LDLRAD4: variants seen among roughly 807,000 people sequenced by gnomAD.
LDLRAD4 encodes low-density lipoprotein receptor class A domain-containing protein 4.
Under a neutral mutation model 17.0 loss-of-function variants are expected in LDLRAD4, and 5 were observed. The ratio of observed to expected loss-of-function variants is 0.29; its 90% CI spans 0.15 to 0.62. The LOEUF is 0.62. Ranked by LOEUF, LDLRAD4 falls within the 20% of genes least tolerant of loss-of-function variation. The pLI is 0.84. For synonymous variants in LDLRAD4, 168 were observed against 171.8 expected (o/e 0.98, Z 0.17); for missense variants, 340 against 424.7 (o/e 0.80, Z 1.75).
At chr18:13,423,573 A>T (rs1374495919) in intron 2 of LDLRAD4, 1 of 152,220 alleles carries the variant, frequency 6.6e-6, no homozygotes, top group Non-Finnish European at 1.5e-5. Context: ...CCAGTACCGT[A>T]CCTGGGAGGG....
At chr18:13,396,129 A>G (rs1289054664) in intron 2 of LDLRAD4, among the ~76,000 whole-genome samples, 2 of 152,224 alleles carry the variant, frequency 1.3e-5, no homozygotes, top group African/African-American at 4.8e-5. Context: ...TTTAACCAAT[A>G]ATAGTCCGTA....
intron 1 of LDLRAD4, among the ~76,000 whole-genome samples, chr18:13,321,861 CAAAAAAAAAAAAAAAAAAAAAAAAAAAA>C (rs57033432): frequency 3.2e-5 from 2 of 62,142 alleles, no homozygotes; most frequent in South Asian, 1.0e-3. Flanking sequence ...GACTCCGTCT[CAAAAAAAAAAAAAAAAAAAAAAAAAAAA>C]AAAAAAAAAA....
At chr18:13,615,542 C>A (rs2039994297) in intron 3 of LDLRAD4, 1 of 152,196 alleles carries the variant, frequency 6.6e-6, no homozygotes, top group Non-Finnish European at 1.5e-5. Context: ...CTCATTGAAC[C>A]AGGGAAGAGA....
chr18:13,570,750 G>A (rs1379780334), intron 3 of LDLRAD4, among the ~76,000 whole-genome samples: 1 of 152,168 alleles, frequency 6.6e-6, no homozygotes, highest in African/African-American at 2.4e-5. Flanking sequence ...CCCTCTGGCT[G>A]CCCTTTTCAT....
chr18:13,426,817 G>A (rs1429490514), intron 2 of LDLRAD4, among the ~76,000 whole-genome samples: 2 of 152,226 alleles, frequency 1.3e-5, no homozygotes, highest in Non-Finnish European at 2.9e-5. Context: ...AAATTCTGGT[G>A]TGGGTTGGTT....
intron 1 of LDLRAD4, among the ~76,000 whole-genome samples, chr18:13,307,427 A>T (rs60672333): frequency 0.03 from 4,513 of 152,076 alleles, 112 homozygotes; most frequent in African/African-American, 0.068. Flanking sequence ...TTAAAAAAAA[A>T]TTTTTTAAGA....
intron 3 of LDLRAD4, among the ~76,000 whole-genome samples, chr18:13,519,456 A>G (rs1038562319): frequency 4.6e-5 from 7 of 152,180 alleles, no homozygotes; most frequent in Non-Finnish European, 1.0e-4. Flanking sequence ...AGACTTGACA[A>G]CTTCCAAAGG....
intron 4 of LDLRAD4, among the ~76,000 whole-genome samples, chr18:13,633,474 C>G (rs1359212312): frequency 3.9e-5 from 6 of 152,198 alleles, no homozygotes; most frequent in Admixed American, 2.6e-4. Context: ...TGTCAAGGGG[C>G]ACCTGCAGGC....
chr18:13,557,649 C>G (rs1041868591), intron 3 of LDLRAD4, among the ~76,000 whole-genome samples: 1 of 152,228 alleles, frequency 6.6e-6, no homozygotes, highest in South Asian at 2.1e-4. Flanking sequence ...ATCTGCCTAC[C>G]TTGGCCTCCC....
intron 1 of LDLRAD4, among the ~76,000 whole-genome samples, chr18:13,358,313 GATATCTAGATTATAT>G (rs1400756046): frequency 2.0e-5 from 3 of 151,936 alleles, no homozygotes; most frequent in African/African-American, 7.3e-5. Context: ...TATCGATATA[GATATCTAGATTATAT>G]ATATCTAGAT....
intron 3 of LDLRAD4, among the ~76,000 whole-genome samples, chr18:13,512,001 C>T (rs912205632): frequency 2.0e-5 from 3 of 152,180 alleles, no homozygotes; most frequent in Non-Finnish European, 4.4e-5. Context: ...TGTATGTAGT[C>T]GACATTTCTT....
chr18:13,231,484 C>T (rs979124954), intron 1 of LDLRAD4, among the ~76,000 whole-genome samples: 2 of 152,100 alleles, frequency 1.3e-5, no homozygotes, highest in African/African-American at 4.8e-5. Flanking sequence ...TGTCGAAAAC[C>T]AAATCAACCA....
intron 3 of LDLRAD4, among the ~76,000 whole-genome samples, chr18:13,555,587 G>A (rs1254544172): frequency 6.6e-6 from 1 of 152,198 alleles, no homozygotes; most frequent in Non-Finnish European, 1.5e-5. Flanking sequence ...AACTATAAGT[G>A]TCTATTATTT....
Position 13,645,081 on chromosome 18 carries a change from T to C in LDLRAD4, c.391-46T>C. ...CTTGATTCTGACACATTTATGGTCATCATTGCGCTCAAACTGTCTTCAAGC... is the reference window on the plus strand; with the variant it reads ...CTTGATTCTGACACATTTATGGTCACCATTGCGCTCAAACTGTCTTCAAGC... On this transcript the variant is annotated intron_variant, in intron 5 of 5. Transcript: ENST00000359446. The surrounding 1 kb of genome is among the most constrained non-coding windows in gnomAD (Gnocchi z 5.7). 2.7e-6 allele frequency: 4 copies of C among 1,505,408 alleles called. No homozygotes were observed. Among genetic ancestry groups the C allele is most frequent in the Non-Finnish European group, 3.6e-6 (4 of 1,108,352 alleles). The allele number at this position is 1,505,408 out of a possible 1,614,324, so 93.3% of individuals were successfully genotyped here. A position where few individuals can be genotyped will look rare whatever the true frequency, so the allele number is the denominator to read the frequency against.
At chr18:13,448,454 A>G (rs1299718116) in intron 3 of LDLRAD4, among the ~76,000 whole-genome samples, 1 of 152,100 alleles carries the variant, frequency 6.6e-6, no homozygotes, top group Admixed American at 6.5e-5. Context: ...GAAAGCGGGT[A>G]AAAAAATCCC....
chr18:13,280,858 C>G (rs2045227688), intron 1 of LDLRAD4, among the ~76,000 whole-genome samples: 1 of 152,210 alleles, frequency 6.6e-6, no homozygotes, highest in South Asian at 2.1e-4. Context: ...TGTGGGGAGA[C>G]ACACTGGAAC....
In LDLRAD4 at chr18:13,405,147, AATATT is replaced by A. The variant is rs928492610; in HGVS notation, c.40+17388_40+17392del. Among the ~76,000 whole-genome samples the A allele has an allele frequency of 2.1e-3, 320 of 151,804 alleles. 1 individual carries two copies. The highest frequency in any genetic ancestry group is 7.0e-3 in the African/African-American group (288 of 41,406). Reference sequence around the variant, plus strand: ...TTATTATAATATTATGTATAATATTAATATTATTAGTTAGCATTTAATTATATACC... The same window carrying A: ...TTATTATAATATTATGTATAATATTAATTAGTTAGCATTTAATTATATACC... On this transcript the variant is annotated intron_variant, in intron 2 of 5. Coordinates refer to ENST00000359446, the Ensembl canonical transcript of LDLRAD4.
At chr18:13,584,063 A>G (rs2094903002) in intron 3 of LDLRAD4, among the ~76,000 whole-genome samples, 2 of 152,062 alleles carry the variant, frequency 1.3e-5, no homozygotes, top group South Asian at 4.2e-4. Flanking sequence ...AGCCCGGCCC[A>G]CCCGAAGCCA....
At chr18:13,534,034 G>A (rs1171647620) in intron 3 of LDLRAD4, among the ~76,000 whole-genome samples, 3 of 152,114 alleles carry the variant, frequency 2.0e-5, no homozygotes, top group Non-Finnish European at 4.4e-5. Context: ...GGCACTCCAC[G>A]CTGCCTGCCT....
Sources: gnomAD v4.1 joint callset for allele counts (sites outside exome capture counted in the v4.1 genomes callset) on GRCh38, gnomAD v4.1.1 for gene constraint, Gnocchi (gnomAD v3.1) non-coding constraint, MANE v1.5 for transcripts, NCBI Gene and HGNC (gene_info 2026-07-23, HGNC 2026-07-21) for gene names.